Variants in VPS35 observed in about 807,000 individuals in gnomAD.
The protein encoded by VPS35 is VPS35 retromer complex component.
In VPS35, 21 loss-of-function variants were observed where a neutral mutation model predicts 98.1. The ratio of observed to expected loss-of-function variants is 0.21; its 90% CI spans 0.15 to 0.31. The LOEUF (loss-of-function observed/expected upper bound fraction) is 0.31, where lower values mean the gene tolerates loss of function less well. Ranked by LOEUF, VPS35 falls within the 10% of genes least tolerant of loss-of-function variation. The probability of loss-of-function intolerance (pLI) is 1.00; values close to 1 mark genes in which losing one functional copy is unlikely to be tolerated. For synonymous variants in VPS35, 268 were observed against 318.2 expected (o/e 0.84, Z 1.68); for missense variants, 554 against 950.8 (o/e 0.58, Z 5.49).
Position 46,660,449 on chromosome 16 carries a change from G to A in VPS35, c.*23C>T. 6 of 1,612,302 alleles carry A rather than the reference G, an allele frequency of 3.7e-6. No homozygotes were observed. Among genetic ancestry groups the A allele is most frequent in the Non-Finnish European group, 4.2e-6 (5 of 1,179,900 alleles). On this transcript the variant is annotated 3_prime_UTR_variant, in exon 17 of 17. Coordinates refer to ENST00000299138, the MANE Select transcript of VPS35 (RefSeq NM_018206.6). Reference sequence around the variant, plus strand: ...ACCCTCACTGGATGTACATGGAAAGGAGTATGGTGAGCTATTTCCTTTTTA... The same window carrying A: ...ACCCTCACTGGATGTACATGGAAAGAAGTATGGTGAGCTATTTCCTTTTTA...
Position 46,675,611 on chromosome 16 carries a change from T to G in VPS35, c.915-951A>C, listed in dbSNP as rs148496075. On this transcript the variant is annotated intron_variant, in intron 8 of 16. Coordinates refer to ENST00000299138, the MANE Select transcript of VPS35 (RefSeq NM_018206.6). ...TGAGCTGACAATTTGGAAAAATTTGTTATCTAAATTCTCAGACTTTAAAAC... is the reference window on the plus strand; with the variant it reads ...TGAGCTGACAATTTGGAAAAATTTGGTATCTAAATTCTCAGACTTTAAAAC... 9.3e-3 allele frequency among the ~76,000 whole-genome samples: 1,413 copies of G among 152,340 alleles called. 15 individuals are homozygous for G. Among genetic ancestry groups the G allele is most frequent in the Non-Finnish European group, 0.015 (990 of 68,032 alleles).
intron 10 of VPS35, 37 bp downstream of exon 10, chr16:46,674,277 A>G: frequency 6.2e-7 from 1 of 1,610,778 alleles, no homozygotes; most frequent in Non-Finnish European, 8.5e-7. Context: ...GGACAAAAAT[A>G]TCTTTGAGGA....
In VPS35 at chr16:46,674,329, T is replaced by C. The variant is rs116254156; in HGVS notation, c.1145A>G (p.Lys382Arg). The change falls in exon 10 of 17, where the codon AAG (lysine) becomes AGG (arginine). Residue 382 changes from lysine (K) to arginine (R), a missense_variant. Physicochemically the swap from Lys to Arg is conservative, Grantham distance 26. Coordinates refer to ENST00000299138, the MANE Select transcript of VPS35 (RefSeq NM_018206.6). ...ACTGACTTACTGTTCAAGGTTGAGC[T>C]TATTGAATATCTCCACTGTTGTTTC... The part of the protein sequence containing the change: ...VLETTVEIFN[K>R]LNLEHIATSS... 8.8e-4 allele frequency: 1,416 copies of C among 1,614,116 alleles called. 11 individuals carry two copies. The African/African-American group carries it at 0.017, about 19-fold the overall frequency.
At chr16:46,688,828 C>A (rs117884892) in intron 1 of VPS35, 14,090 of 1,384,378 alleles carry the variant, frequency 0.01, 91 homozygotes, top group Non-Finnish European at 0.012. Flanking sequence ...GTGACCGATT[C>A]CACTTAAAGG....
Position 46,668,916 on chromosome 16 carries a change from A to G in VPS35, c.1647+14T>C, listed in dbSNP as rs190080545. On this transcript the variant is annotated intron_variant, in intron 13 of 16. Coordinates refer to ENST00000299138, the MANE Select transcript of VPS35 (RefSeq NM_018206.6). ...GAGGAAAAAAAGTACCTAAATACTT[A>G]AAAGTAAACTCACCACTTTAGAATT... The G allele has an allele frequency of 1.9e-6, 3 of 1,613,892 alleles. No individual in the cohort carries two copies. Among genetic ancestry groups the G allele is most frequent in the Admixed American group, 3.3e-5 (2 of 59,998 alleles).
chr16:46,668,824 T>A, intron 13 of VPS35, 106 bp downstream of exon 13: 1 of 1,481,798 alleles, frequency 6.7e-7, no homozygotes, highest in Non-Finnish European at 9.3e-7. Context: ...TATACCACTG[T>A]CTATTTTTGT....
chr16:46,662,120 A>C, intron 15 of VPS35, 123 bp downstream of exon 15: 1 of 1,557,978 alleles, frequency 6.4e-7, no homozygotes, highest in Non-Finnish European at 8.8e-7. Context: ...TTAACAAAAC[A>C]AAGCAATTTT....
At chr16:46,671,637 T>G (rs1437949371) in intron 12 of VPS35, 68 bp downstream of exon 12, 1 of 1,599,278 alleles carries the variant, frequency 6.3e-7, no homozygotes, top group African/African-American at 1.3e-5. Flanking sequence ...AATTAAACCA[T>G]TTTAAGCACT....
chr16:46,687,993 T>C (rs1422840201), intron 1 of VPS35, among the ~76,000 whole-genome samples: 1 of 152,176 alleles, frequency 6.6e-6, no homozygotes, highest in East Asian at 1.9e-4. Flanking sequence ...TGTCAATCCA[T>C]AAACGCTGGA....
chr16:46,683,390 GATGCTGGTAA>G, intron 2 of VPS35, 108 bp downstream of exon 2: 1 of 947,200 alleles, frequency 1.1e-6, no homozygotes, highest in South Asian at 1.4e-5. Context: ...ACTGAAGATA[GATGCTGGTAA>G]ACGGTGAAGA....
intron 2 of VPS35, chr16:46,682,772 T>C (rs1337412960): frequency 6.5e-6 from 1 of 154,444 alleles, no homozygotes; most frequent in Non-Finnish European, 1.4e-5. Flanking sequence ...CCCAATTTGT[T>C]AGGAATTAAA....
Position 46,661,917 on chromosome 16 carries a change from T to C in VPS35, c.2068-56A>G, listed in dbSNP as rs1207866570. ...AGATTAATGAAACATCTCGTTTTCA[T>C]ACAAAGAAACACAACACTACCGTGG... On this transcript the variant is annotated intron_variant, in intron 15 of 16. Coordinates refer to ENST00000299138, the MANE Select transcript of VPS35 (RefSeq NM_018206.6). This position sits in a 1 kb window ranked among gnomAD's most constrained non-coding sequence, Gnocchi z 4.3. The C allele has an allele frequency of 6.2e-7, 1 of 1,610,812 alleles. No homozygotes were observed. The highest frequency in any genetic ancestry group is 1.3e-5 in the African/African-American group (1 of 74,960).
chr16:46,678,235 A>G (rs1486264282), intron 6 of VPS35, among the ~76,000 whole-genome samples: 1 of 151,024 alleles, frequency 6.6e-6, no homozygotes. Context: ...TAGGGTGTCC[A>G]ATCTTTTGGC....
At chr16:46,665,752 G>A (rs1965979893) in intron 13 of VPS35, among the ~76,000 whole-genome samples, 1 of 152,154 alleles carries the variant, frequency 6.6e-6, no homozygotes, top group Non-Finnish European at 1.5e-5. Flanking sequence ...CTGAAAGTTT[G>A]TATTCTTTGG....
At chr16:46,668,253 G>T (rs556100891) in intron 13 of VPS35, among the ~76,000 whole-genome samples, 1 of 152,180 alleles carries the variant, frequency 6.6e-6, no homozygotes, top group Admixed American at 6.5e-5. Context: ...AAATTAGCTG[G>T]GCATGGTGGT....
intron 13 of VPS35, among the ~76,000 whole-genome samples, chr16:46,666,773 C>G (rs1431787203): frequency 1.3e-5 from 2 of 152,144 alleles, no homozygotes; most frequent in Non-Finnish European, 2.9e-5. Context: ...GAGTATTATT[C>G]TACTATGTAG....
rs1965845968 is a variant in VPS35, at chr16:46,656,544, T to G, written c.*3928A>C. The G allele has an allele frequency of 6.6e-6, 1 of 152,242 alleles. No individual in the cohort carries two copies. 9.4% of individuals were successfully genotyped at this position (152,242 alleles called of 1,614,324 possible). On this transcript the variant is annotated 3_prime_UTR_variant, in exon 17 of 17. Transcript: ENST00000299138. ...TAACCTTGGGAAGTAATTTATAGTT[T>G]GACTCTCAAACACAATTGATAATAC...
Position 46,668,389 on chromosome 16 carries a change from T to C in VPS35, c.1647+541A>G, listed in dbSNP as rs114310128. 5.9e-3 allele frequency among the ~76,000 whole-genome samples: 897 copies of C among 152,246 alleles called. 11 individuals carry two copies. The highest frequency in any genetic ancestry group is 0.021 in the African/African-American group (860 of 41,536). On this transcript the variant is annotated intron_variant, in intron 13 of 16. Coordinates refer to ENST00000299138, the MANE Select transcript of VPS35 (RefSeq NM_018206.6). Reference sequence around the variant, plus strand: ...CAGCCCGGGCGACAGAATGAGACCCTATCTCAAAACAAACAAACAAACAAA... The same window carrying C: ...CAGCCCGGGCGACAGAATGAGACCCCATCTCAAAACAAACAAACAAACAAA...
Position 46,671,830 on chromosome 16 carries a change from A to G in VPS35, c.1399T>C (p.Leu467=). The G allele has an allele frequency of 6.2e-7, 1 of 1,613,266 alleles. No individual in the cohort carries two copies. The highest frequency in any genetic ancestry group is 8.5e-7 in the Non-Finnish European group (1 of 1,179,992). ...VDSIMNLVST[L]IQDQPDQPVE... The stretch of plus-strand genomic sequence containing the variant: ...GGTTGATCTGGCTGATCTTGAATCA[A>G]CGTGGATACCAAATTCATTATGGAA... Residue 467 remains leucine (L), a synonymous_variant, in exon 12 of 17, where the codon TTG becomes CTG. Transcript: ENST00000299138.
Sources: gnomAD v4.1 joint callset for allele counts (sites outside exome capture counted in the v4.1 genomes callset) on GRCh38, gnomAD v4.1.1 for gene constraint, Gnocchi (gnomAD v3.1) non-coding constraint, MANE v1.5 for transcripts, NCBI Gene and HGNC (gene_info 2026-07-23, HGNC 2026-07-21) for gene names.